Variants in METTL8 observed in about 807,000 individuals in gnomAD.
METTL8 encodes the protein methyltransferase 8, tRNA N3-cytidine.
In METTL8, 32 loss-of-function variants were observed where a neutral mutation model predicts 48.7. The observed-to-expected ratio is 0.66, with a 90% CI of 0.50 to 0.88. METTL8 has a LOEUF of 0.88. METTL8 is among the 40% of genes least tolerant of loss of function. METTL8 has a pLI of 0.00. For synonymous variants in METTL8, 136 were observed against 157.1 expected, an observed-to-expected ratio of 0.87 and a Z score of 1.01; for missense variants, 464 against 474.4, an observed-to-expected ratio of 0.98 and a Z score of 0.20.
At chr2:171,350,576 C>T (rs951093042) in intron 3 of METTL8, among the ~76,000 whole-genome samples, 2 of 152,198 alleles carry the variant, frequency 1.3e-5, no homozygotes, top group African/African-American at 4.8e-5. Flanking sequence ...TACAGTCCCA[C>T]CGACAGTTTA....
At chr2:171,394,567 T>C (rs1688880757) in intron 1 of METTL8, among the ~76,000 whole-genome samples, 1 of 152,178 alleles carries the variant, frequency 6.6e-6, no homozygotes. Context: ...AGGGTCTAAA[T>C]ATGTGGCAAT....
intron 2 of METTL8, among the ~76,000 whole-genome samples, chr2:171,369,895 G>A (rs149847485): frequency 0.031 from 4,674 of 151,864 alleles, 85 homozygotes; most frequent in East Asian, 0.051. Flanking sequence ...GTGAAACCCC[G>A]TCTCTACTAA....
chr2:171,420,289 C>G (rs1009351401), intron 1 of METTL8, among the ~76,000 whole-genome samples: 13 of 152,176 alleles, frequency 8.5e-5, no homozygotes, highest in Non-Finnish European at 1.2e-4. Context: ...TAGCTTTTGA[C>G]TCCTGGTATG....
At chr2:171,419,083 CTG>C (rs1691624697) in intron 1 of METTL8, among the ~76,000 whole-genome samples, 2 of 151,698 alleles carry the variant, frequency 1.3e-5, no homozygotes. Context: ...AGTTCCATCA[CTG>C]TGTTTTTGTT....
intron 5 of METTL8, among the ~76,000 whole-genome samples, chr2:171,335,766 C>A (rs1559059940): frequency 6.6e-6 from 1 of 151,954 alleles, no homozygotes; most frequent in East Asian, 1.9e-4. Context: ...TTTAAAAGAT[C>A]ACATCATTTA....
At chr2:171,334,245 A>T (rs1685852794) in intron 5 of METTL8, among the ~76,000 whole-genome samples, 1 of 152,224 alleles carries the variant, frequency 6.6e-6, no homozygotes, top group African/African-American at 2.4e-5. Context: ...TACGAGCTAA[A>T]GGAAAGCATG....
intron 1 of METTL8, among the ~76,000 whole-genome samples, chr2:171,404,175 A>G (rs1214452024): frequency 6.8e-6 from 1 of 147,500 alleles, no homozygotes; most frequent in Non-Finnish European, 1.5e-5. Context: ...ACAATATACA[A>G]TAAGTTATGT....
intron 3 of METTL8, among the ~76,000 whole-genome samples, chr2:171,350,117 G>C (rs1305807190): frequency 5.3e-5 from 8 of 151,730 alleles, no homozygotes; most frequent in African/African-American, 1.9e-4. Context: ...CCCCACTCCC[G>C]CCACCCCACA....
At chr2:171,429,265 C>T (rs773953455) in intron 1 of METTL8, among the ~76,000 whole-genome samples, 14 of 152,128 alleles carry the variant, frequency 9.2e-5, no homozygotes, top group Non-Finnish European at 1.6e-4. Context: ...GTCATTGATA[C>T]ATGTTAATGA....
At chr2:171,417,053 C>T (rs1691385030) in intron 1 of METTL8, among the ~76,000 whole-genome samples, 1 of 152,146 alleles carries the variant, frequency 6.6e-6, no homozygotes, top group Non-Finnish European at 1.5e-5. Flanking sequence ...AGAACATCAG[C>T]TTAACAAGGG....
At chr2:171,332,989 G>A (rs1685697855) in intron 5 of METTL8, among the ~76,000 whole-genome samples, 1 of 144,296 alleles carries the variant, frequency 6.9e-6, no homozygotes, top group South Asian at 2.5e-4. Flanking sequence ...GACTCAAGAA[G>A]CATTCCAAGC....
Position 171,319,117 on chromosome 2 carries a change from CTG to C in METTL8, c.*5053_*5054del, listed in dbSNP as rs1684402395. 6.6e-6 allele frequency: 1 copy of C among 152,168 alleles called. No homozygotes were observed. Among genetic ancestry groups the C allele is most frequent in the African/African-American group, 2.4e-5 (1 of 41,442 alleles). The allele number at this position is 152,168 out of a possible 1,614,324, so 9.4% of individuals were successfully genotyped here. ...CAACACTTTTTTCCATGGAAAGATA[CTG>C]TCTTTCTTACAATGTCTCATAAAAC... On this transcript the variant is annotated 3_prime_UTR_variant, in exon 10 of 10. Coordinates refer to ENST00000375258, the MANE Select transcript of METTL8 (RefSeq NM_001321154.2).
In METTL8 at chr2:171,359,191, T is replaced by C. The variant is rs1403621396; in HGVS notation, c.235+1231A>G. Among the ~76,000 whole-genome samples, 8 of 126,248 alleles carry C rather than the reference T, an allele frequency of 6.3e-5. No individual in the cohort carries two copies. The South Asian group carries it at 1.2e-3, about 20-fold the overall frequency. The allele number at this position is 126,248 out of a possible 152,430, so 82.8% of individuals were successfully genotyped here. A position where few individuals can be genotyped will look rare whatever the true frequency, so the allele number is the denominator to read the frequency against. ...CCTGTCTCAAAAAAAAAAAAAAAAATGGCAAAAGATCTGAATAGATATTTC... is the reference window on the plus strand; with the variant it reads ...CCTGTCTCAAAAAAAAAAAAAAAAACGGCAAAAGATCTGAATAGATATTTC... On this transcript the variant is annotated intron_variant, in intron 3 of 9. Transcript: ENST00000375258.
In METTL8 at chr2:171,335,279, G is replaced by C. The variant is rs76037319; in HGVS notation, c.656+2174C>G. 9.2e-3 allele frequency among the ~76,000 whole-genome samples: 1,405 copies of C among 152,248 alleles called. 30 individuals are homozygous for C. The highest frequency in any genetic ancestry group is 0.032 in the African/African-American group (1,347 of 41,526). On this transcript the variant is annotated intron_variant, in intron 5 of 9. Transcript: ENST00000375258. ...TTATGTTAGGTTTATAATAATATTA[G>C]AGAGTATACTGAGTTTTGGGAGATA...
In METTL8 at chr2:171,415,349, C is replaced by CTTTTTT. The variant is rs762739077; in HGVS notation, c.-13+18528_-13+18533dup. 8.9e-4 allele frequency among the ~76,000 whole-genome samples: 100 copies of CTTTTTT among 112,376 alleles called. 1 individual carries two copies. Among genetic ancestry groups the CTTTTTT allele is most frequent in the Admixed American group, 1.0e-3 (11 of 10,786 alleles). 73.7% of individuals were successfully genotyped at this position (112,376 alleles called of 152,430 possible). A position where few individuals can be genotyped will look rare whatever the true frequency, so the allele number is the denominator to read the frequency against. On this transcript the variant is annotated intron_variant, in intron 1 of 9. Transcript: ENST00000375258. ...TTTTCTTCTTAATATATCTCGAAAT[C>CTTTTTT]TTTTTTTTTTTTTTTTTTTTTTTGA...
chr2:171,334,960 T>C (rs1036088111), intron 5 of METTL8, among the ~76,000 whole-genome samples: 6 of 152,174 alleles, frequency 3.9e-5, no homozygotes, highest in African/African-American at 1.4e-4. Context: ...AGACAAGGCA[T>C]AAATAAATGA....
At chr2:171,361,226 T>G (rs993045847) in intron 2 of METTL8, among the ~76,000 whole-genome samples, 3 of 150,478 alleles carry the variant, frequency 2.0e-5, no homozygotes, top group Non-Finnish European at 4.4e-5. Context: ...AGGTAATTTT[T>G]TTTAAGTTTT....
chr2:171,331,480 G>A (rs1443543081), intron 6 of METTL8, among the ~76,000 whole-genome samples: 3 of 147,230 alleles, frequency 2.0e-5, no homozygotes, highest in Admixed American at 6.8e-5. Flanking sequence ...GCTGTGGCAC[G>A]ATCTTGGCAC....
intron 2 of METTL8, among the ~76,000 whole-genome samples, chr2:171,389,504 C>T (rs1433114372): frequency 7.9e-6 from 1 of 127,040 alleles, no homozygotes. Context: ...GACAGAGTCT[C>T]CCTGTCTCAC....
Sources: allele counts gnomAD v4.1 joint callset (sites outside exome capture counted in the v4.1 genomes callset), GRCh38; gene constraint gnomAD v4.1.1; transcripts MANE v1.5; gene names NCBI Gene and HGNC (gene_info 2026-07-23, HGNC 2026-07-21).